MAP3K11: variants seen among roughly 807,000 people sequenced by gnomAD.
MAP3K11 encodes mitogen-activated protein kinase kinase kinase 11, also known as SH3 domain-containing proline-rich kinase.
Under a neutral mutation model 84.9 loss-of-function variants are expected in MAP3K11, and 46 were observed. The observed-to-expected ratio is 0.54, with a 90% CI of 0.43 to 0.69. The LOEUF (loss-of-function observed/expected upper bound fraction) is 0.69, where lower values mean the gene tolerates loss of function less well. Ranked by LOEUF, MAP3K11 falls within the 30% of genes least tolerant of loss-of-function variation. MAP3K11 has a pLI of 0.00. For missense variants in MAP3K11, 1,053 were observed against 1,198.3 expected (o/e 0.88, Z 1.79); for synonymous variants, 527 against 514.7 (o/e 1.02, Z -0.32).
At position 65,612,984 on chromosome 11, in the gene MAP3K11, C is replaced by CGT. The variant is rs1158513535; in HGVS notation, c.739+33_739+34insAC. ...GTTGGGAGCAGGTGTGTACCAGAGC[C>CGT]ATGCCACCCCCAACCATGCCCCCAG... On this transcript the variant is annotated intron_variant, in intron 1 of 9. Transcript: ENST00000309100. 6.6e-6 allele frequency: 10 copies of CGT among 1,514,542 alleles called. No individual in the cohort carries two copies. In the Admixed American group the frequency reaches 6.8e-5, roughly 10 times the overall value. 93.8% of individuals were successfully genotyped at this position (1,514,542 alleles called of 1,614,324 possible).
In MAP3K11 at chr11:65,607,222, C is replaced by T. The variant is rs1425543500; in HGVS notation, c.1489+48G>A. Reference sequence around the variant, plus strand: ...TGAGCACACAGGCCTGGCTCCACCCCCACCCCCGCAGCCAATGGCGGGGGA... The same window carrying T: ...TGAGCACACAGGCCTGGCTCCACCCTCACCCCCGCAGCCAATGGCGGGGGA... On this transcript the variant is annotated intron_variant, in intron 5 of 9. Transcript: ENST00000309100. The T allele has an allele frequency of 6.2e-6, 9 of 1,441,086 alleles. No individual in the cohort carries two copies. In the Admixed American group the frequency reaches 1.2e-4, roughly 19 times the overall value. The allele number at this position is 1,441,086 out of a possible 1,614,324, so 89.3% of individuals were successfully genotyped here.
intron 8 of MAP3K11, 99 bp from the exon 9 acceptor site, chr11:65,599,867 C>T (rs1854437201): frequency 7.6e-7 from 1 of 1,315,502 alleles, no homozygotes; most frequent in Non-Finnish European, 1.0e-6. Flanking sequence ...CTGAGTTCTG[C>T]CCTCTACTAG....
intron 7 of MAP3K11, 23 bp downstream of exon 7, chr11:65,605,923 C>G (rs1854501674): frequency 6.2e-7 from 1 of 1,607,686 alleles, no homozygotes; most frequent in East Asian, 2.2e-5. Flanking sequence ...GATGCTGGGT[C>G]TGGGGGGCAC....
At position 65,599,631 on chromosome 11, in the gene MAP3K11, G is replaced by GGCCCAGC; in HGVS notation, c.1962_1968dup (p.Leu657AlafsTer77). The GGCCCAGC allele has an allele frequency of 6.5e-7, 1 of 1,537,492 alleles. No individual in the cohort carries two copies. Among genetic ancestry groups the GGCCCAGC allele is most frequent in the Non-Finnish European group, 8.7e-7 (1 of 1,146,828 alleles). ...CCCGGCGGCTGCAGGTCGCGGCCAA[G>GGCCCAGC]GCCCAGCGAGGCGAGCAGGGCGGTG... On this transcript the variant is annotated frameshift_variant, in exon 9 of 10. Transcript: ENST00000309100. LOFTEE classifies it high-confidence loss of function.
rs931209312 is a variant in MAP3K11 at position 65,607,905 on chromosome 11, C to T, written c.1069+17G>A. ...CCAGGGAGCTCTGTACCTCACCTGC[C>T]CTCCCCGTCCTCTTACCGGCCATAA... is the stretch of plus-strand genomic sequence containing the variant. On this transcript the variant is annotated intron_variant, in intron 3 of 9. Transcript: ENST00000309100. 2.5e-6 allele frequency: 4 copies of T among 1,611,800 alleles called. No individual in the cohort carries two copies. Among genetic ancestry groups the T allele is most frequent in the African/African-American group, 2.7e-5 (2 of 74,862 alleles).
intron 8 of MAP3K11, among the ~76,000 whole-genome samples, chr11:65,602,915 G>A (rs1296566849): frequency 1.3e-5 from 2 of 152,130 alleles, no homozygotes; most frequent in Non-Finnish European, 2.9e-5. Flanking sequence ...AGCCCAGCCT[G>A]GGCAACATGG....
rs1229528448 is a variant in MAP3K11, at chr11:65,599,688, G to A, written c.1912C>T (p.Pro638Ser). 2 of 1,565,722 alleles carry A rather than the reference G, an allele frequency of 1.3e-6. No homozygotes were observed. Residue 638 changes from proline to serine, a missense_variant, in exon 9 of 10, where the codon CCC becomes TCC. By Grantham distance (74) the Pro-to-Ser change is moderately conservative. This residue lies in a region of MAP3K11 where 583 missense variants were observed against 566.6 expected (regional missense o/e 1.03). Coordinates refer to ENST00000309100, the MANE Select transcript of MAP3K11 (RefSeq NM_002419.4). Reference sequence around the variant, plus strand: ...AGCAGCGCCCGCTGGATCAGCTTGGGCGTCCCAGAGCTGCTACCGCGCTCT... The same window carrying A: ...AGCAGCGCCCGCTGGATCAGCTTGGACGTCCCAGAGCTGCTACCGCGCTCT... Reference protein sequence around the residue: ...PAERGSSSGTPKLIQRALLRG... With the variant: ...PAERGSSSGTSKLIQRALLRG...
At chr11:65,600,227 A>C (rs1474461008) in intron 8 of MAP3K11, among the ~76,000 whole-genome samples, 3 of 150,904 alleles carry the variant, frequency 2.0e-5, no homozygotes, top group African/African-American at 7.3e-5. Context: ...GCTGTAGCTT[A>C]TAAGATGCAC....
At chr11:65,610,736 G>C (rs1006273510) in intron 1 of MAP3K11, 2 of 152,300 alleles carry the variant, frequency 1.3e-5, no homozygotes. Context: ...TGCTGTTCCA[G>C]TATCTCAGGC....
rs141657750 is a variant in MAP3K11, at chr11:65,605,773, G to C, written c.1819C>G (p.Pro607Ala). The C allele has an allele frequency of 3.4e-5, 55 of 1,609,896 alleles. No individual in the cohort carries two copies. In the African/African-American group the frequency reaches 6.0e-4, roughly 18 times the overall value. The stretch of plus-strand genomic sequence containing the variant: ...GAAGGCCACTCACCATTGAGTGCTG[G>C]GGGTGTGGAAGGAGATCCTAAGGGG... ...SSPLGSPSTP[P>A]ALNGNPPRPS... Residue 607 changes from proline (P) to alanine (A), a missense_variant, in exon 8 of 10, where the codon CCA (proline) becomes GCA (alanine). Physicochemically the swap from Pro to Ala is conservative, Grantham distance 27. Transcript: ENST00000309100.
chr11:65,607,155 T>G, intron 5 of MAP3K11, 115 bp downstream of exon 5: 1 of 1,320,616 alleles, frequency 7.6e-7, no homozygotes, highest in Non-Finnish European at 9.8e-7. Flanking sequence ...AGCCTTCATC[T>G]CACGGGCCCA....
rs1425836523 is a variant in MAP3K11 at position 65,598,487 on chromosome 11, G to A, written c.2348C>T (p.Ser783Leu). 1.2e-6 allele frequency: 2 copies of A among 1,613,604 alleles called. No individual in the cohort carries two copies. Among genetic ancestry groups the A allele is most frequent in the Middle Eastern group, 1.6e-4 (1 of 6,078 alleles). The change falls in exon 10 of 10, where the codon TCA becomes TTA. Residue 783 changes from serine to leucine, a missense_variant. Ser to Leu is a moderately radical substitution (Grantham distance 145). Coordinates refer to ENST00000309100, the MANE Select transcript of MAP3K11 (RefSeq NM_002419.4). Reference sequence around the variant, plus strand: ...CAGGGGAGAAGGCCGTGGCCCAGCTGACACAAAGCTCCAGGGATCAATGCG... The same window carrying A: ...CAGGGGAGAAGGCCGTGGCCCAGCTAACACAAAGCTCCAGGGATCAATGCG... ...RSRIDPWSFV[S>L]AGPRPSPLPS...
chr11:65,611,432 G>A (rs1854569886), intron 1 of MAP3K11: 1 of 152,204 alleles, frequency 6.6e-6, no homozygotes, highest in South Asian at 2.1e-4. Context: ...ACAGCAACTT[G>A]GGCCTAGGAC....
Position 65,598,184 on chromosome 11 carries a change from T to C in MAP3K11, c.*107A>G. On this transcript the variant is annotated 3_prime_UTR_variant, in exon 10 of 10. Coordinates refer to ENST00000309100, the MANE Select transcript of MAP3K11 (RefSeq NM_002419.4). The stretch of plus-strand genomic sequence containing the variant: ...TCCTGACCCCCAAAGGGGGGTGGGG[T>C]CCCTGGGGAAACTGAGGCAGCTGCA... 1.0e-6 allele frequency: 1 copy of C among 959,416 alleles called. No homozygotes were observed. The highest frequency in any genetic ancestry group is 1.4e-6 in the Non-Finnish European group (1 of 705,882). The allele number at this position is 959,416 out of a possible 1,614,324, so 59.4% of individuals were successfully genotyped here. A position where few individuals can be genotyped will look rare whatever the true frequency, so the allele number is the denominator to read the frequency against.
chr11:65,599,519 G>GGGGAAGGGGGCGGCTCGGTCGGGC lies in MAP3K11; in HGVS notation c.2057_2080dup (p.Ser693_Pro694insArgProThrGluProProProSer), dbSNP rs746165183. ...CGTCTTGAGCGAGAAGCAGATGAGC[G>GGGGAAGGGGGCGGCTCGGTCGGGC]GGGAAGGGGGCGGCTCGGTCGGGCA... On this transcript the variant is annotated inframe_insertion, in exon 9 of 10. Transcript: ENST00000309100. The GGGGAAGGGGGCGGCTCGGTCGGGC allele has an allele frequency of 9.9e-5, 148 of 1,496,088 alleles. No individual in the cohort carries two copies. Among genetic ancestry groups the GGGGAAGGGGGCGGCTCGGTCGGGC allele is most frequent in the Middle Eastern group, 2.0e-4 (1 of 5,010 alleles). The allele number at this position is 1,496,088 out of a possible 1,614,324, so 92.7% of individuals were successfully genotyped here. A position where few individuals can be genotyped will look rare whatever the true frequency, so the allele number is the denominator to read the frequency against.
rs1016317747 is a variant in MAP3K11, at chr11:65,599,743, C to G, written c.1857G>C (p.Glu619Asp). The change falls in exon 9 of 10, where the codon GAG becomes GAC. Residue 619 changes from glutamate to aspartate, a missense_variant. Physicochemically the swap from Glu to Asp is conservative, Grantham distance 45. Transcript: ENST00000309100. ...LNGNPPRPSL[E>D]PEEPKRPVPA... The stretch of plus-strand genomic sequence containing the variant: ...GGACAGGCCTCTTGGGCTCCTCGGG[C>G]TCCAGGCTAGGCCGCGGGGGGTTAC... The G allele has an allele frequency of 2.5e-6, 4 of 1,592,316 alleles. No homozygotes were observed. In the African/African-American group the frequency reaches 4.0e-5, roughly 16 times the overall value.
chr11:65,608,107 C>T, intron 2 of MAP3K11, 37 bp from the exon 3 acceptor site: 1 of 1,605,386 alleles, frequency 6.2e-7, no homozygotes. Context: ...TCCCTTTTCT[C>T]TCCCAACCCC....
At chr11:65,604,335 C>T (rs1392360391) in intron 8 of MAP3K11, among the ~76,000 whole-genome samples, 1 of 152,258 alleles carries the variant, frequency 6.6e-6, no homozygotes, top group African/African-American at 2.4e-5. Flanking sequence ...GGTTGACAGG[C>T]TCTCAAGTTC....
chr11:65,599,499 T>C lies in MAP3K11; in HGVS notation c.2101A>G (p.Lys701Glu), dbSNP rs1854427605. The change falls in exon 9 of 10, where the codon AAG (lysine) becomes GAG (glutamate). Residue 701 changes from lysine (K) to glutamate (E), a missense_variant. By Grantham distance (56) the Lys-to-Glu change is moderately conservative. This residue lies in a region of MAP3K11 where 583 missense variants were observed against 566.6 expected (regional missense o/e 1.03). Transcript: ENST00000309100. ...GGAGTGGGCGGGGAGTCGGGCGTCT[T>C]GAGCGAGAAGCAGATGAGCGGGGAA... ...PPSPLICFSL[K>E]TPDSPPTPAP... The C allele has an allele frequency of 1.3e-6, 2 of 1,495,700 alleles. No individual in the cohort carries two copies. The highest frequency in any genetic ancestry group is 1.8e-6 in the Non-Finnish European group (2 of 1,128,432). The allele number at this position is 1,495,700 out of a possible 1,614,324, so 92.7% of individuals were successfully genotyped here. A position where few individuals can be genotyped will look rare whatever the true frequency, so the allele number is the denominator to read the frequency against.
Sources: allele counts gnomAD v4.1 joint callset (sites outside exome capture counted in the v4.1 genomes callset), GRCh38; gene constraint gnomAD v4.1.1; regional missense constraint gnomAD v4.1.1; transcripts MANE v1.5; gene names NCBI Gene and HGNC (gene_info 2026-07-23, HGNC 2026-07-21).